The following PDE4C variants were observed in gnomAD, a reference collection of about 807,000 sequenced individuals.
PDE4C encodes the protein 3',5'-cyclic-AMP phosphodiesterase 4C.
PDE4C carries 50 observed loss-of-function variants against 63.9 expected under a neutral mutation model. That is an observed-to-expected ratio of 0.78 (90% confidence interval 0.62 to 0.99). The LOEUF (loss-of-function observed/expected upper bound fraction) is 0.99, where lower values mean the gene tolerates loss of function less well. Among genes scored for constraint, PDE4C ranks in the 50% least tolerant of loss-of-function variants. The pLI is 0.00. For missense variants in PDE4C, 777 were observed against 899.1 expected (o/e 0.86, Z 1.74); for synonymous variants, 377 against 385.1 (o/e 0.98, Z 0.25).
At position 18,226,441 on chromosome 19, in the gene PDE4C, C is replaced by CGA; in HGVS notation, c.-28_-27dup. The CGA allele has an allele frequency of 7.3e-7, 1 of 1,368,122 alleles. No individual in the cohort carries two copies. Among genetic ancestry groups the CGA allele is most frequent in the African/African-American group, 1.5e-5 (1 of 64,988 alleles). The allele number at this position is 1,368,122 out of a possible 1,614,324, so 84.7% of individuals were successfully genotyped here. On this transcript the variant is annotated 5_prime_UTR_variant, in exon 1 of 15. Transcript: ENST00000262805. ...CGCCAGGACTGCGTGGAGGCTGGAC[C>CGA]GAGCGCCGGCTGCGCGGGACCTTTT...
At chr19:18,232,027 C>A (rs961247728) in intron 1 of PDE4C, among the ~76,000 whole-genome samples, 5 of 152,012 alleles carry the variant, frequency 3.3e-5, no homozygotes, top group African/African-American at 4.8e-5. Flanking sequence ...AGACTCCTCC[C>A]CCCAACACTG....
In PDE4C at chr19:18,220,871, T is replaced by C. The variant is rs1172734033; in HGVS notation, c.499+3A>G. Reference sequence around the variant, plus strand: ...CGGGGGAGGGAAGGAACAGGTACTTTACCTGCAGGAGGGAGCTGATTGCTG... The same window carrying C: ...CGGGGGAGGGAAGGAACAGGTACTTCACCTGCAGGAGGGAGCTGATTGCTG... On this transcript the variant is annotated splice_donor_region_variant and intron_variant, in intron 5 of 14. Transcript: ENST00000262805. The surrounding 1 kb of genome is among the most constrained non-coding windows in gnomAD (Gnocchi z 5.1). 1.2e-6 allele frequency: 2 copies of C among 1,608,002 alleles called. No homozygotes were observed. Among genetic ancestry groups the C allele is most frequent in the African/African-American group, 1.3e-5 (1 of 75,016 alleles).
intron 1 of PDE4C, among the ~76,000 whole-genome samples, chr19:18,241,108 G>C (rs1343946490): frequency 6.6e-6 from 1 of 152,064 alleles, no homozygotes. Flanking sequence ...GGCCTCCCTC[G>C]GGAGAGTTCC....
chr19:18,226,340 G>T (rs1968720955), exon 1 of PDE4C: 2 of 1,534,822 alleles, frequency 1.3e-6, no homozygotes, highest in Admixed American at 2.0e-5. Flanking sequence ...TTCCTGAAGA[G>T]CCCGGGGGAG....
At chr19:18,231,710 T>C (rs1337321663) in intron 1 of PDE4C, among the ~76,000 whole-genome samples, 1 of 152,062 alleles carries the variant, frequency 6.6e-6, no homozygotes, top group Non-Finnish European at 1.5e-5. Flanking sequence ...TCCAGCTGAC[T>C]TGGTTCTCCC....
chr19:18,210,905 C>G, exon 15 of PDE4C: 1 of 1,565,726 alleles, frequency 6.4e-7, no homozygotes, highest in South Asian at 1.2e-5. Flanking sequence ...ATCCATTGCC[C>G]CTGCAGTTCA....
At chr19:18,237,266 T>C (rs1170080213), upstream of PDE4C, among the ~76,000 whole-genome samples, 2 of 152,140 alleles carry the variant, frequency 1.3e-5, no homozygotes, top group Non-Finnish European at 2.9e-5. Context: ...TAGTGCCTGG[T>C]CCAGGCCAGG....
chr19:18,252,692 A>G (rs1414014087), upstream of PDE4C, among the ~76,000 whole-genome samples: 1 of 151,072 alleles, frequency 6.6e-6, no homozygotes, highest in African/African-American at 2.4e-5. Context: ...ATCTCAGCTC[A>G]CTGCAACCTC....
exon 2 of PDE4C, chr19:18,222,244 G>C (rs746534804): frequency 1.9e-6 from 3 of 1,614,072 alleles, no homozygotes; most frequent in Non-Finnish European, 2.5e-6. Flanking sequence ...ACTGGAGCCT[G>C]CATAATCCGG....
upstream of PDE4C, among the ~76,000 whole-genome samples, chr19:18,231,267 G>A (rs932480599): frequency 3.3e-5 from 5 of 152,236 alleles, no homozygotes; most frequent in Non-Finnish European, 4.4e-5. Flanking sequence ...CATACGATGC[G>A]CAGAACGACG....
At chr19:18,218,909 T>C in intron 9 of PDE4C, 31 bp downstream of exon 9, 1 of 1,524,308 alleles carries the variant, frequency 6.6e-7, no homozygotes. Context: ...CCCAGGAGTT[T>C]TTCCTTGGAA....
rs1968435247 is a variant in PDE4C, at chr19:18,220,823, A to C, written c.499+51T>G. On this transcript the variant is annotated intron_variant, in intron 5 of 14. Coordinates refer to ENST00000262805, the Ensembl canonical transcript of PDE4C. The surrounding 1 kb of genome is among the most constrained non-coding windows in gnomAD (Gnocchi z 5.1). ...ATGGACTGGGGAGGTCACTATGGAA[A>C]GGAAGCTCCCAGCTGTCCTCAGCGG... 1.3e-6 allele frequency: 2 copies of C among 1,560,218 alleles called. No homozygotes were observed. Among genetic ancestry groups the C allele is most frequent in the Non-Finnish European group, 1.8e-6 (2 of 1,141,756 alleles).
chr19:18,216,021 G>A (rs1764810742), intron 12 of PDE4C, among the ~76,000 whole-genome samples: 1 of 151,400 alleles, frequency 6.6e-6, no homozygotes, highest in South Asian at 2.1e-4. Context: ...GTAAAAACAG[G>A]GGTTTCACCA....
In PDE4C at chr19:18,220,370, G is replaced by C. The variant is rs1968403560; in HGVS notation, c.612+33C>G. On this transcript the variant is annotated intron_variant, in intron 6 of 14. Coordinates refer to ENST00000262805, the Ensembl canonical transcript of PDE4C. This position sits in a 1 kb window ranked among gnomAD's most constrained non-coding sequence, Gnocchi z 5.1. ...GTGATGATGGGGCACCGTGGGCCGA[G>C]GCAGGTGAGCTCAGCGATCTGCCCC... is the stretch of plus-strand genomic sequence containing the variant. 1.2e-6 allele frequency: 2 copies of C among 1,612,016 alleles called. No homozygotes were observed. The highest frequency in any genetic ancestry group is 1.7e-6 in the Non-Finnish European group (2 of 1,178,076).
chr19:18,209,556 T>C (rs1967838703), downstream of PDE4C: 1 of 151,840 alleles, frequency 6.6e-6, no homozygotes, highest in African/African-American at 2.4e-5. Context: ...GCCTCTAATT[T>C]TTTGTATTTT....
At chr19:18,228,215 T>C (rs1280312185), upstream of PDE4C, among the ~76,000 whole-genome samples, 2 of 151,936 alleles carry the variant, frequency 1.3e-5, no homozygotes, top group Non-Finnish European at 2.9e-5. Context: ...AATAGTTACA[T>C]GTCCCCAAGG....
chr19:18,215,214 T>G (rs1013941571), intron 12 of PDE4C, among the ~76,000 whole-genome samples: 5 of 152,160 alleles, frequency 3.3e-5, no homozygotes, highest in African/African-American at 1.2e-4. Context: ...TTCCCTCTGC[T>G]GAGAACACAG....
upstream of PDE4C, chr19:18,252,593 T>C: frequency 3.2e-6 from 1 of 309,566 alleles, no homozygotes; most frequent in Non-Finnish European, 5.8e-6. Context: ...AGCGAGACCC[T>C]CTCTCTCTCT....
At position 18,216,911 on chromosome 19, in the gene PDE4C, A is replaced by C. The variant is rs747010260; in HGVS notation, c.1235-16T>G. 1 of 1,585,836 alleles carries C rather than the reference A, an allele frequency of 6.3e-7. No homozygotes were observed. The highest frequency in any genetic ancestry group is 8.6e-7 in the Non-Finnish European group (1 of 1,164,130). On this transcript the variant is annotated splice_polypyrimidine_tract_variant and intron_variant, in intron 11 of 14. Transcript: ENST00000262805. ...AGCTCTGAGTCTGTGAGGGTATGGG[A>C]CTGAGAGCCCCAAGATCCACCCGCC...
Sources: gnomAD v4.1 joint callset for allele counts (sites outside exome capture counted in the v4.1 genomes callset) on GRCh38, gnomAD v4.1.1 for gene constraint, Gnocchi (gnomAD v3.1) non-coding constraint, MANE v1.5 for transcripts, NCBI Gene and HGNC (gene_info 2026-07-23, HGNC 2026-07-21) for gene names.